Variants in EGFLAM observed in about 807,000 individuals in gnomAD.
The protein encoded by EGFLAM is pikachurin.
EGFLAM carries 79 observed loss-of-function variants against 113.1 expected under a neutral mutation model. The observed-to-expected ratio is 0.70, with a 90% CI of 0.58 to 0.84. The LOEUF (loss-of-function observed/expected upper bound fraction) is 0.84, where lower values mean the gene tolerates loss of function less well. Ranked by LOEUF, EGFLAM falls within the 40% of genes least tolerant of loss-of-function variation. EGFLAM has a pLI of 0.00. For synonymous variants in EGFLAM, 504 were observed against 487.6 expected, an observed-to-expected ratio of 1.03 and a Z score of -0.44; for missense variants, 1,265 against 1,291.6, an observed-to-expected ratio of 0.98 and a Z score of 0.32.
intron 5 of EGFLAM, among the ~76,000 whole-genome samples, chr5:38,354,415 A>G (rs1739709010): frequency 6.6e-6 from 1 of 152,198 alleles, no homozygotes; most frequent in Non-Finnish European, 1.5e-5. Flanking sequence ...GCAAGATGTA[A>G]TACTTTAAAA....
intron 1 of EGFLAM, among the ~76,000 whole-genome samples, chr5:38,266,804 A>T (rs984123065): frequency 2.0e-5 from 3 of 152,196 alleles, no homozygotes; most frequent in East Asian, 3.8e-4. Flanking sequence ...ATCCAAACTG[A>T]TATGTTACTG....
At chr5:38,412,062 A>G (rs529599449) in intron 10 of EGFLAM, among the ~76,000 whole-genome samples, 1 of 152,268 alleles carries the variant, frequency 6.6e-6, no homozygotes, top group Admixed American at 6.5e-5. Flanking sequence ...CGCCTTCCAA[A>G]GTGCTGGGAT....
At chr5:38,293,148 G>T (rs1758374978) in intron 1 of EGFLAM, among the ~76,000 whole-genome samples, 1 of 152,042 alleles carries the variant, frequency 6.6e-6, no homozygotes, top group South Asian at 2.1e-4. Context: ...AATTCATCTG[G>T]TGCTTCAAAC....
intron 1 of EGFLAM, among the ~76,000 whole-genome samples, chr5:38,333,573 T>C (rs1453379436): frequency 1.3e-5 from 2 of 152,242 alleles, no homozygotes; most frequent in Non-Finnish European, 2.9e-5. Flanking sequence ...CTTTTTTTCA[T>C]ATGCTTGTTG....
At chr5:38,446,709 T>A (rs1316682730) in intron 17 of EGFLAM, among the ~76,000 whole-genome samples, 3 of 152,188 alleles carry the variant, frequency 2.0e-5, no homozygotes, top group Non-Finnish European at 4.4e-5. Context: ...GTCTTTTAAA[T>A]TTTCTGTTTC....
At chr5:38,432,036 A>G (rs1742205344) in intron 15 of EGFLAM, among the ~76,000 whole-genome samples, 1 of 152,170 alleles carries the variant, frequency 6.6e-6, no homozygotes, top group Admixed American at 6.5e-5. Flanking sequence ...TCAAAGAAAA[A>G]TAACATTTTT....
At chr5:38,425,720 C>T (rs890351269) in intron 13 of EGFLAM, among the ~76,000 whole-genome samples, 6 of 152,142 alleles carry the variant, frequency 3.9e-5, no homozygotes, top group Non-Finnish European at 2.9e-5. Flanking sequence ...TCCTCTTGGC[C>T]CTTGAATAAC....
chr5:38,408,551 T>A (rs2956592), intron 9 of EGFLAM, among the ~76,000 whole-genome samples: 10 of 152,236 alleles, frequency 6.6e-5, no homozygotes, highest in Admixed American at 5.2e-4. Context: ...GCACAGCTTT[T>A]GGCTGAGCTA....
At chr5:38,415,097 C>T (rs1323619498) in intron 11 of EGFLAM, among the ~76,000 whole-genome samples, 1 of 152,146 alleles carries the variant, frequency 6.6e-6, no homozygotes, top group Non-Finnish European at 1.5e-5. Context: ...CACAGTGGCT[C>T]ATGCCTCCAA....
chr5:38,370,312 A>T lies in EGFLAM; in HGVS notation c.562A>T (p.Lys188Ter). The T allele has an allele frequency of 6.2e-7, 1 of 1,613,966 alleles. No homozygotes were observed. The highest frequency in any genetic ancestry group is 2.2e-5 in the East Asian group (1 of 44,874). The change falls in exon 6 of 22, where the codon AAG (lysine) becomes TAG (stop). Residue 188 changes from lysine to a stop codon, truncating the protein, a stop_gained. Transcript: ENST00000322350. LOFTEE classifies it high-confidence loss of function. ...VEFIRPDFDK[K>*]WTSIHERIQM... ...TCAATAAAGGCCAGATTTCGACAAGAAGTGGACCTCAATCCATGAGCGGAT... is the reference window on the plus strand; with the variant it reads ...TCAATAAAGGCCAGATTTCGACAAGTAGTGGACCTCAATCCATGAGCGGAT...
chr5:38,351,531 A>G (rs1739624446), intron 4 of EGFLAM, among the ~76,000 whole-genome samples: 2 of 152,190 alleles, frequency 1.3e-5, no homozygotes, highest in Admixed American at 6.5e-5. Flanking sequence ...AAAAATGCAT[A>G]GGATTTTGCT....
At position 38,318,568 on chromosome 5, in the gene EGFLAM, A is replaced by G. The variant is rs527606678; in HGVS notation, c.98-18952A>G. ...TATTCAAACACCAGAGGCTGGGTAC[A>G]GTGGCTCATGCCTGTAATCCCTTCC... On this transcript the variant is annotated intron_variant, in intron 1 of 21. Coordinates refer to ENST00000322350, the MANE Select transcript of EGFLAM (RefSeq NM_152403.4). Among the ~76,000 whole-genome samples the G allele has an allele frequency of 6.6e-5, 10 of 152,130 alleles. No individual in the cohort carries two copies. The South Asian group carries it at 1.5e-3, about 22-fold the overall frequency.
chr5:38,456,600 C>T (rs1041689897), intron 19 of EGFLAM, among the ~76,000 whole-genome samples: 1 of 152,170 alleles, frequency 6.6e-6, no homozygotes, highest in African/African-American at 2.4e-5. Flanking sequence ...ACCCCAAGTC[C>T]TATTCTTGGT....
At chr5:38,269,201 A>T (rs964217251) in intron 1 of EGFLAM, among the ~76,000 whole-genome samples, 1 of 152,088 alleles carries the variant, frequency 6.6e-6, no homozygotes, top group African/African-American at 2.4e-5. Flanking sequence ...CAACAACAAC[A>T]AAAACAACCA....
At chr5:38,324,932 C>T (rs745605664) in intron 1 of EGFLAM, among the ~76,000 whole-genome samples, 1 of 152,104 alleles carries the variant, frequency 6.6e-6, no homozygotes, top group Admixed American at 6.6e-5. Flanking sequence ...TGCCACCTAC[C>T]AGGGTTACAG....
rs868725257 is a variant in EGFLAM, at chr5:38,417,358, A to C, written c.1495-708A>C. 2.5e-4 allele frequency among the ~76,000 whole-genome samples: 37 copies of C among 146,878 alleles called. 1 individual carries two copies. The highest frequency in any genetic ancestry group is 4.2e-4 in the South Asian group (2 of 4,752). ...GCGAGACTCTGTCTCAAAAAAAAAA[A>C]AAAAAAAAAAACAAAAAAAAAAGGC... is the stretch of plus-strand genomic sequence containing the variant. On this transcript the variant is annotated intron_variant, in intron 11 of 21. Coordinates refer to ENST00000322350, the MANE Select transcript of EGFLAM (RefSeq NM_152403.4).
chr5:38,406,826 A>G lies in EGFLAM; in HGVS notation c.829-2A>G, dbSNP rs1052735390. The G allele has an allele frequency of 6.2e-7, 1 of 1,611,948 alleles. No individual in the cohort carries two copies. Among genetic ancestry groups the G allele is most frequent in the African/African-American group, 1.3e-5 (1 of 74,852 alleles). ...TGAACCCCTTTCCTTCTCTGGCTTT[A>G]GGTTAAACCACTTCCTGCTACCAAA... On this transcript the variant is annotated splice_acceptor_variant, in intron 7 of 21. Transcript: ENST00000322350. LOFTEE classifies it high-confidence loss of function.
chr5:38,434,093 C>G (rs1742269825), intron 15 of EGFLAM, among the ~76,000 whole-genome samples: 1 of 152,216 alleles, frequency 6.6e-6, no homozygotes, highest in African/African-American at 2.4e-5. Flanking sequence ...CTGCTTAAGT[C>G]TCATTGCTTT....
chr5:38,325,496 A>G (rs1378300410), intron 1 of EGFLAM, among the ~76,000 whole-genome samples: 1 of 152,224 alleles, frequency 6.6e-6, no homozygotes, highest in Admixed American at 6.5e-5. Flanking sequence ...CAGATTTAGC[A>G]ACCAAAGAAA....
Sources: allele counts gnomAD v4.1 joint callset (sites outside exome capture counted in the v4.1 genomes callset), GRCh38; gene constraint gnomAD v4.1.1; transcripts MANE v1.5; gene names NCBI Gene and HGNC (gene_info 2026-07-23, HGNC 2026-07-21).